The following TBC1D23 variants were observed in gnomAD, a reference collection of about 807,000 sequenced individuals.
TBC1D23 encodes the protein HCV non-structural protein 4A-transactivated protein 1.
Under a neutral mutation model 91.4 loss-of-function variants are expected in TBC1D23, and 55 were observed. The ratio of observed to expected loss-of-function variants is 0.60; its 90% confidence interval spans 0.48 to 0.75. TBC1D23 has a LOEUF of 0.75. TBC1D23 is among the 30% of genes least tolerant of loss of function. The pLI is 0.00. For synonymous variants in TBC1D23, 289 were observed against 281.0 expected, an observed-to-expected ratio of 1.03 and a Z score of -0.28; for missense variants, 725 against 836.1, an observed-to-expected ratio of 0.87 and a Z score of 1.64.
chr3:100,297,329 A>G (rs904834932), intron 8 of TBC1D23, among the ~76,000 whole-genome samples: 61 of 152,210 alleles, frequency 4.0e-4, no homozygotes, highest in African/African-American at 1.3e-3. Context: ...AAAAATAACT[A>G]ATTTAAAAAG....
chr3:100,317,896 AG>A (rs1705780764), intron 16 of TBC1D23, among the ~76,000 whole-genome samples: 1 of 152,164 alleles, frequency 6.6e-6, no homozygotes, highest in Non-Finnish European at 1.5e-5. Flanking sequence ...GTAGGGTAGC[AG>A]TTGTGGAAGA....
At chr3:100,284,038 G>T in intron 4 of TBC1D23, 1 of 457,158 alleles carries the variant, frequency 2.2e-6, no homozygotes. Context: ...TGGGGTTGGA[G>T]TTGGGGAGGA....
intron 13 of TBC1D23, among the ~76,000 whole-genome samples, chr3:100,308,331 C>T (rs902057438): frequency 1.6e-4 from 24 of 152,054 alleles, no homozygotes; most frequent in Admixed American, 2.6e-4. Flanking sequence ...AAAAAATAGC[C>T]GGGCGTGGTG....
intron 16 of TBC1D23, 66 bp downstream of exon 16, chr3:100,316,253 G>A (rs1301729109): frequency 9.1e-7 from 1 of 1,102,216 alleles, no homozygotes; most frequent in Non-Finnish European, 1.4e-6. Flanking sequence ...CAGTCATTCT[G>A]GGAATAGCCA....
intron 13 of TBC1D23, among the ~76,000 whole-genome samples, chr3:100,309,818 C>T: frequency 6.8e-6 from 1 of 146,214 alleles, no homozygotes; most frequent in South Asian, 2.1e-4. Context: ...ACCATGTTGG[C>T]CAGTCTGGTC....
intron 12 of TBC1D23, among the ~76,000 whole-genome samples, 172 bp from the exon 13 acceptor site, chr3:100,306,265 C>G (rs1225823028): frequency 1.3e-5 from 2 of 152,208 alleles, no homozygotes; most frequent in Non-Finnish European, 2.9e-5. Flanking sequence ...AAGGTTTGCT[C>G]TAGCTTGGAG....
chr3:100,262,582 G>T (rs962214150), intron 1 of TBC1D23, among the ~76,000 whole-genome samples: 2 of 151,818 alleles, frequency 1.3e-5, no homozygotes, highest in Non-Finnish European at 1.5e-5. Flanking sequence ...AAAATTAGCC[G>T]GGCGTGGTGG....
chr3:100,278,377 A>G (rs1488284554), intron 1 of TBC1D23, among the ~76,000 whole-genome samples: 1 of 151,886 alleles, frequency 6.6e-6, no homozygotes, highest in African/African-American at 2.4e-5. Context: ...ATTCCTAAGG[A>G]ATTGATTGAT....
Position 100,306,459 on chromosome 3 carries a change from C to T in TBC1D23, c.1329C>T (p.Asp443=). The change falls in exon 13 of 19, where the codon GAC becomes GAT. Residue 443 remains aspartate (D), a synonymous_variant. Coordinates refer to ENST00000394144, the MANE Select transcript of TBC1D23 (RefSeq NM_001199198.3). ...GFMALQQHLA[D]INVDGPENGY... The stretch of plus-strand genomic sequence containing the variant: ...AAGCACTGCAGCAGCACCTGGCAGA[C>T]ATTAATGTGGATGGACCAGAAAATG... 1 of 1,609,780 alleles carries T rather than the reference C, an allele frequency of 6.2e-7. No individual in the cohort carries two copies. The highest frequency in any genetic ancestry group is 8.5e-7 in the Non-Finnish European group (1 of 1,176,284).
At chr3:100,313,131 A>ATTTTACCTAGCACTAC (rs1484748954) in intron 15 of TBC1D23, among the ~76,000 whole-genome samples, 1 of 152,138 alleles carries the variant, frequency 6.6e-6, no homozygotes, top group East Asian at 1.9e-4. Context: ...TCTGCTAATA[A>ATTTTACCTAGCACTAC]TTTTACCTAG....
chr3:100,317,081 C>CAA (rs34131078), intron 16 of TBC1D23, among the ~76,000 whole-genome samples: 1 of 117,626 alleles, frequency 8.5e-6, no homozygotes, highest in Non-Finnish European at 1.8e-5. Context: ...GACTCTGTCT[C>CAA]AAAAAAAAAA....
At chr3:100,282,386 G>A (rs1049957237) in intron 3 of TBC1D23, among the ~76,000 whole-genome samples, 2 of 152,060 alleles carry the variant, frequency 1.3e-5, no homozygotes, top group Non-Finnish European at 2.9e-5. Flanking sequence ...TACATTTATG[G>A]GTTTGTTGTA....
intron 3 of TBC1D23, 90 bp from the exon 4 acceptor site, chr3:100,283,517 A>G (rs1420520989): frequency 2.7e-6 from 2 of 746,894 alleles, no homozygotes; most frequent in Non-Finnish European, 4.5e-6. Flanking sequence ...ATGCACTAAC[A>G]TAGTATTATA....
chr3:100,274,507 A>G (rs1206835004), intron 1 of TBC1D23, among the ~76,000 whole-genome samples: 1 of 152,054 alleles, frequency 6.6e-6, no homozygotes, highest in Non-Finnish European at 1.5e-5. Context: ...TTGTGCATAT[A>G]ATCTCTAGAA....
At chr3:100,309,705 A>G (rs6764125) in intron 13 of TBC1D23, among the ~76,000 whole-genome samples, 37,203 of 147,914 alleles carry the variant, frequency 0.25, 4,941 homozygotes, top group East Asian at 0.5. Context: ...TCCACCTCAC[A>G]GGTTCAAGCA....
chr3:100,265,365 C>G (rs1227315886), intron 1 of TBC1D23, among the ~76,000 whole-genome samples: 1 of 152,176 alleles, frequency 6.6e-6, no homozygotes, highest in Non-Finnish European at 1.5e-5. Flanking sequence ...CCTCAGCTTT[C>G]AAGCTCCCTG....
At chr3:100,277,298 C>A (rs1385055019) in intron 1 of TBC1D23, among the ~76,000 whole-genome samples, 3 of 152,146 alleles carry the variant, frequency 2.0e-5, no homozygotes, top group African/African-American at 4.8e-5. Flanking sequence ...ATTAACTGTA[C>A]CTTTGGATGC....
intron 17 of TBC1D23, among the ~76,000 whole-genome samples, chr3:100,320,544 T>G (rs1705835464): frequency 6.6e-6 from 1 of 152,144 alleles, no homozygotes; most frequent in Non-Finnish European, 1.5e-5. Flanking sequence ...ATTATATTTA[T>G]TATATTTTCA....
chr3:100,317,877 A>G (rs1705780088), intron 16 of TBC1D23, among the ~76,000 whole-genome samples: 1 of 152,186 alleles, frequency 6.6e-6, no homozygotes, highest in South Asian at 2.1e-4. Context: ...TGAATTTCAG[A>G]TGTTGGGAGT....
Sources: allele counts gnomAD v4.1 joint callset (sites outside exome capture counted in the v4.1 genomes callset), GRCh38; gene constraint gnomAD v4.1.1; transcripts MANE v1.5; gene names NCBI Gene and HGNC (gene_info 2026-07-23, HGNC 2026-07-21).